ROBO2: variants seen among roughly 807,000 people sequenced by gnomAD.
The protein encoded by ROBO2 is roundabout homolog 2.
A neutral mutation model predicts 160.8 loss-of-function variants in ROBO2; 53 were observed. That is an observed-to-expected ratio of 0.33 (90% CI 0.26 to 0.41). The LOEUF (loss-of-function observed/expected upper bound fraction) is 0.41. Ranked by LOEUF, ROBO2 falls within the 10% of genes least tolerant of loss-of-function variation. ROBO2 has a pLI of 1.00. For synonymous variants in ROBO2, 664 were observed against 611.7 expected (o/e 1.09, Z -1.26); for missense variants, 1,577 against 1,722.4 (o/e 0.92, Z 1.49).
chr3:77,644,843 C>T (rs771357490), exon 25 of ROBO2: 18 of 1,613,976 alleles, frequency 1.1e-5, no homozygotes, highest in South Asian at 7.7e-5. Flanking sequence ...GCAATGCCAG[C>T]GACCTTCTTG....
intron 2 of ROBO2, among the ~76,000 whole-genome samples, chr3:76,142,421 T>C (rs1292315224): frequency 6.6e-6 from 1 of 151,854 alleles, no homozygotes; most frequent in African/African-American, 2.4e-5. Context: ...TAAATGACCA[T>C]CAGTAGATGA....
At chr3:76,745,565 A>T (rs2093871550) in intron 2 of ROBO2, among the ~76,000 whole-genome samples, 1 of 151,952 alleles carries the variant, frequency 6.6e-6, no homozygotes, top group Non-Finnish European at 1.5e-5. Context: ...AATCCAAGTG[A>T]TCCCACCCAG....
At chr3:75,965,677 A>G (rs1576321969) in intron 2 of ROBO2, among the ~76,000 whole-genome samples, 1 of 57,812 alleles carries the variant, frequency 1.7e-5, no homozygotes, top group East Asian at 6.0e-4. Flanking sequence ...ATATTTGTAT[A>G]TGAGATGCAG....
intron 2 of ROBO2, among the ~76,000 whole-genome samples, chr3:76,947,361 G>C (rs2078624660): frequency 6.6e-6 from 1 of 151,842 alleles, no homozygotes; most frequent in Non-Finnish European, 1.5e-5. Context: ...AGTCTTGTTG[G>C]AACAAAGGTT....
chr3:77,399,364 G>C (rs1418625413), intron 2 of ROBO2, among the ~76,000 whole-genome samples: 4 of 152,090 alleles, frequency 2.6e-5, no homozygotes, highest in Non-Finnish European at 4.4e-5. Flanking sequence ...TAAGTTTTAT[G>C]GAAGTTTCCT....
Position 76,487,491 on chromosome 3 carries a change from C to G in ROBO2, c.109+549889C>G, listed in dbSNP as rs184133237. ...TCAACAATAAATGAATCTTCTAATA[C>G]TTTAGTAAAACTTCTCAAATGGAGC... On this transcript the variant is annotated intron_variant, in intron 2 of 26. Coordinates refer to the ROBO2 transcript ENST00000487694. 8.0e-3 allele frequency among the ~76,000 whole-genome samples: 1,225 copies of G among 152,186 alleles called. 8 individuals are homozygous for G. The highest frequency in any genetic ancestry group is 0.014 in the Middle Eastern group (4 of 294).
At chr3:77,568,251 A>C (rs769169906) in intron 12 of ROBO2, 62 bp from the exon 14 acceptor site, 141 of 1,577,596 alleles carry the variant, frequency 8.9e-5, no homozygotes, top group Non-Finnish European at 9.6e-5. Flanking sequence ...ATTTACATAA[A>C]ATAAATTGTA....
intron 2 of ROBO2, among the ~76,000 whole-genome samples, chr3:77,160,339 ATTATT>A (rs79834444): frequency 0.021 from 3,249 of 152,252 alleles, 49 homozygotes; most frequent in Middle Eastern, 0.051. Flanking sequence ...AAGAATGATA[ATTATT>A]TTATAAAGTT....
At chr3:76,771,765 G>A (rs2061920979) in intron 2 of ROBO2, among the ~76,000 whole-genome samples, 1 of 150,976 alleles carries the variant, frequency 6.6e-6, no homozygotes, top group Admixed American at 6.6e-5. Flanking sequence ...AAACTCTGGG[G>A]AAAATACTAT....
At chr3:76,755,076 G>T (rs1321389589) in intron 2 of ROBO2, among the ~76,000 whole-genome samples, 1 of 151,554 alleles carries the variant, frequency 6.6e-6, no homozygotes, top group Non-Finnish European at 1.5e-5. Flanking sequence ...TCTGTAATTA[G>T]CCCTCAATTT....
chr3:77,253,674 G>C (rs2090625279), intron 2 of ROBO2, among the ~76,000 whole-genome samples: 1 of 152,092 alleles, frequency 6.6e-6, no homozygotes, highest in South Asian at 2.1e-4. Flanking sequence ...TTGTCAATGA[G>C]AAATACCAAT....
intron 2 of ROBO2, among the ~76,000 whole-genome samples, chr3:76,477,490 GTTGT>G (rs1225286973): frequency 2.6e-5 from 4 of 152,060 alleles, no homozygotes; most frequent in Non-Finnish European, 4.4e-5. Flanking sequence ...GTATTTAAAT[GTTGT>G]ATATGAAACC....
chr3:76,611,060 G>C (rs1412842470), intron 2 of ROBO2, among the ~76,000 whole-genome samples: 1 of 152,142 alleles, frequency 6.6e-6, no homozygotes, highest in African/African-American at 2.4e-5. Flanking sequence ...AGTGTGGGCT[G>C]ATTGGTTCAT....
chr3:77,391,314 G>T (rs1560705056), intron 2 of ROBO2, among the ~76,000 whole-genome samples: 1 of 151,974 alleles, frequency 6.6e-6, no homozygotes, highest in Non-Finnish European at 1.5e-5. Flanking sequence ...GCTTTTTTAA[G>T]AAATTTTTTT....
At chr3:76,024,280 C>T (rs1403467549) in intron 2 of ROBO2, among the ~76,000 whole-genome samples, 1 of 151,080 alleles carries the variant, frequency 6.6e-6, no homozygotes, top group African/African-American at 2.4e-5. Flanking sequence ...TTTTGTCTAT[C>T]GTTATGAAGG....
chr3:77,013,871 T>C (rs780402754), intron 2 of ROBO2, among the ~76,000 whole-genome samples: 1 of 152,236 alleles, frequency 6.6e-6, no homozygotes, highest in Non-Finnish European at 1.5e-5. Context: ...CGTTTCTCCA[T>C]GTTAACTTCC....
At chr3:77,594,420 C>T (rs2094251667) in intron 17 of ROBO2, among the ~76,000 whole-genome samples, 1 of 152,078 alleles carries the variant, frequency 6.6e-6, no homozygotes, top group Admixed American at 6.6e-5. Flanking sequence ...AAACTATCGG[C>T]TGGAGAGAGT....
chr3:76,902,177 G>A (rs974493185), intron 2 of ROBO2, among the ~76,000 whole-genome samples: 2 of 151,730 alleles, frequency 1.3e-5, no homozygotes, highest in East Asian at 3.9e-4. Context: ...TAACATTATT[G>A]GTGGACATTT....
chr3:76,175,303 GCAAA>G (rs2073190672), intron 2 of ROBO2, among the ~76,000 whole-genome samples: 4 of 151,958 alleles, frequency 2.6e-5, no homozygotes, highest in Non-Finnish European at 5.9e-5. Context: ...CATGTCATCT[GCAAA>G]CAGATGACAT....
Sources: gnomAD v4.1 joint callset for allele counts (sites outside exome capture counted in the v4.1 genomes callset) on GRCh38, gnomAD v4.1.1 for gene constraint, MANE v1.5 for transcripts, NCBI Gene and HGNC (gene_info 2026-07-23, HGNC 2026-07-21) for gene names.